Variants in EMILIN2 observed in about 807,000 individuals in gnomAD.
EMILIN2 encodes the protein elastin microfibril interfacer 2.
EMILIN2 carries 71 observed loss-of-function variants against 87.1 expected under a neutral mutation model. The observed-to-expected ratio is 0.82, with a 90% CI of 0.67 to 0.99. EMILIN2 has a LOEUF of 0.99. EMILIN2 is among the 50% of genes least tolerant of loss of function. EMILIN2 has a pLI of 0.00. For synonymous variants in EMILIN2, 581 were observed against 563.4 expected, an observed-to-expected ratio of 1.03 and a Z score of -0.44; for missense variants, 1,407 against 1,371.8, an observed-to-expected ratio of 1.03 and a Z score of -0.40.
chr18:2,896,973 C>CA (rs942676101), intron 4 of EMILIN2, among the ~76,000 whole-genome samples: 1 of 151,902 alleles, frequency 6.6e-6, no homozygotes, highest in African/African-American at 2.4e-5. Context: ...CCTGTCCCTA[C>CA]AAAAAATACA....
At chr18:2,907,360 T>C (rs1799657790) in intron 5 of EMILIN2, among the ~76,000 whole-genome samples, 1 of 152,192 alleles carries the variant, frequency 6.6e-6, no homozygotes, top group Admixed American at 6.5e-5. Context: ...GGGCAGCTCA[T>C]TGATTCCCAG....
chr18:2,889,065 C>T (rs926431607), intron 3 of EMILIN2, among the ~76,000 whole-genome samples: 8 of 151,184 alleles, frequency 5.3e-5, no homozygotes, highest in Non-Finnish European at 1.2e-4. Context: ...CCAGGTTTGT[C>T]AGTGTTAACC....
intron 2 of EMILIN2, among the ~76,000 whole-genome samples, chr18:2,873,181 C>T (rs1164577456): frequency 3.3e-5 from 5 of 152,086 alleles, no homozygotes; most frequent in Non-Finnish European, 5.9e-5. Context: ...GAGGCCGAGG[C>T]AGGTGGATCA....
At chr18:2,899,652 C>A (rs891790538) in intron 4 of EMILIN2, among the ~76,000 whole-genome samples, 3 of 151,950 alleles carry the variant, frequency 2.0e-5, no homozygotes, top group Non-Finnish European at 2.9e-5. Context: ...TTACAGGCGC[C>A]CACCACCACG....
At chr18:2,904,941 T>C (rs1430618670) in intron 4 of EMILIN2, among the ~76,000 whole-genome samples, 1 of 152,184 alleles carries the variant, frequency 6.6e-6, no homozygotes, top group African/African-American at 2.4e-5. Flanking sequence ...TGAGCCTCCT[T>C]ATTCAGGGAG....
In EMILIN2 at chr18:2,847,889, A is replaced by G. The variant is rs575376753; in HGVS notation, c.215A>G (p.Tyr72Cys). The stretch of plus-strand genomic sequence containing the variant: ...AGTGAGAGTTTTATTCAGGCTCAGT[A>G]CAACTGTGCCTGGAACCAGATGCCC... ...EGSESFIQAQ[Y>C]NCAWNQMPCP... Residue 72 changes from tyrosine to cysteine, a missense_variant, in exon 2 of 8, where the codon TAC (tyrosine) becomes TGC (cysteine). Coordinates refer to ENST00000254528, the MANE Select transcript of EMILIN2 (RefSeq NM_032048.3). The surrounding 1 kb of genome is among the most constrained non-coding windows in gnomAD (Gnocchi z 4.5). The G allele has an allele frequency of 3.5e-4, 560 of 1,613,236 alleles. 7 individuals carry two copies. The South Asian group carries it at 5.8e-3, about 17-fold the overall frequency.
At chr18:2,860,404 C>G (rs539111825) in intron 2 of EMILIN2, among the ~76,000 whole-genome samples, 1 of 152,288 alleles carries the variant, frequency 6.6e-6, no homozygotes, top group African/African-American at 2.4e-5. Context: ...AACCCCACAA[C>G]AGGCCCCAGT....
intron 4 of EMILIN2, among the ~76,000 whole-genome samples, chr18:2,898,775 C>T (rs1471849115): frequency 1.3e-5 from 2 of 152,202 alleles, no homozygotes; most frequent in Admixed American, 6.5e-5. Flanking sequence ...CTGCCTGATG[C>T]CAACATTCTG....
At position 2,901,956 on chromosome 18, in the gene EMILIN2, A is replaced by C. The variant is rs575912284; in HGVS notation, c.2360-4827A>C. ...TTTGGAGCCTTCAGCCATCCACGGC[A>C]CTCATGCACGGACTCCCCAAGGAGA... On this transcript the variant is annotated intron_variant, in intron 4 of 7. Coordinates refer to ENST00000254528, the MANE Select transcript of EMILIN2 (RefSeq NM_032048.3). Among the ~76,000 whole-genome samples the C allele has an allele frequency of 3.3e-5, 5 of 152,200 alleles. No homozygotes were observed. The East Asian group carries it at 9.7e-4, about 29-fold the overall frequency.
At position 2,847,992 on chromosome 18, in the gene EMILIN2, TG is replaced by T; in HGVS notation, c.257+65del. 1.4e-6 allele frequency: 2 copies of T among 1,416,648 alleles called. No individual in the cohort carries two copies. 87.8% of individuals were successfully genotyped at this position (1,416,648 alleles called of 1,614,324 possible). ...CCGGGCCGGGGCGGTGGGGGTGGGG[TG>T]GGGTTGCTGCGCTGGGCTCCAGTCC... On this transcript the variant is annotated intron_variant, in intron 2 of 7. Coordinates refer to ENST00000254528, the MANE Select transcript of EMILIN2 (RefSeq NM_032048.3). The surrounding 1 kb of genome is among the most constrained non-coding windows in gnomAD (Gnocchi z 4.5).
At chr18:2,871,695 C>T (rs1450088239) in intron 2 of EMILIN2, among the ~76,000 whole-genome samples, 2 of 152,180 alleles carry the variant, frequency 1.3e-5, no homozygotes, top group Non-Finnish European at 2.9e-5. Flanking sequence ...CATGGCCTGT[C>T]ATTTGGAGGT....
At chr18:2,895,772 G>T (rs920660185) in intron 4 of EMILIN2, among the ~76,000 whole-genome samples, 12 of 152,256 alleles carry the variant, frequency 7.9e-5, no homozygotes, top group African/African-American at 2.9e-4. Flanking sequence ...AGCTGGAGTG[G>T]CATCACTGCC....
At chr18:2,856,662 T>C (rs536169401) in intron 2 of EMILIN2, among the ~76,000 whole-genome samples, 6 of 152,292 alleles carry the variant, frequency 3.9e-5, no homozygotes, top group Admixed American at 2.0e-4. Context: ...AGTGGTGAGG[T>C]TCCTTCTAGT....
rs564941713 is a variant in EMILIN2, at chr18:2,902,575, C to T, written c.2360-4208C>T. Among the ~76,000 whole-genome samples the T allele has an allele frequency of 3.3e-5, 5 of 152,200 alleles. No individual in the cohort carries two copies. The East Asian group carries it at 9.6e-4, about 29-fold the overall frequency. ...GGGTGCACATGGTAAAGGCACGAAG[C>T]CAGGGAAGTCACATGAGAGCTGGGT... On this transcript the variant is annotated intron_variant, in intron 4 of 7. Coordinates refer to ENST00000254528, the MANE Select transcript of EMILIN2 (RefSeq NM_032048.3).
intron 2 of EMILIN2, among the ~76,000 whole-genome samples, chr18:2,859,820 A>G (rs539000592): frequency 6.6e-6 from 1 of 152,294 alleles, no homozygotes; most frequent in Admixed American, 6.5e-5. Flanking sequence ...CATTTGTTAA[A>G]TAGGGTGTCC....
chr18:2,860,386 C>T (rs1466143245), intron 2 of EMILIN2, among the ~76,000 whole-genome samples: 2 of 152,148 alleles, frequency 1.3e-5, no homozygotes, highest in Non-Finnish European at 2.9e-5. Context: ...ATCCCTCCCA[C>T]TTCCCCCAAC....
chr18:2,912,891 C>T (rs954975468), intron 7 of EMILIN2, among the ~76,000 whole-genome samples, 176 bp from the exon 8 acceptor site: 5 of 152,160 alleles, frequency 3.3e-5, no homozygotes, highest in African/African-American at 1.2e-4. Flanking sequence ...CTCTGCATCA[C>T]GGGTAGGCTG....
At chr18:2,889,750 C>T (rs1253567221) in intron 3 of EMILIN2, among the ~76,000 whole-genome samples, 2 of 143,956 alleles carry the variant, frequency 1.4e-5, no homozygotes, top group African/African-American at 2.6e-5. Context: ...CCAAGGATGC[C>T]CTTGAACTCC....
chr18:2,862,887 C>T (rs1192185423), intron 2 of EMILIN2, among the ~76,000 whole-genome samples: 1 of 152,124 alleles, frequency 6.6e-6, no homozygotes, highest in Non-Finnish European at 1.5e-5. Context: ...TAATTATTGC[C>T]TCAATTTCAG....
Sources: allele counts gnomAD v4.1 joint callset (sites outside exome capture counted in the v4.1 genomes callset), GRCh38; gene constraint gnomAD v4.1.1; non-coding constraint Gnocchi (gnomAD v3.1); transcripts MANE v1.5; gene names NCBI Gene and HGNC (gene_info 2026-07-23, HGNC 2026-07-21).